PLCH2: variants seen among roughly 807,000 people sequenced by gnomAD.
PLCH2 encodes the protein phospholipase C eta 2.
In PLCH2, 98 loss-of-function variants were observed where a neutral mutation model predicts 134.7. That is an observed-to-expected ratio of 0.73 (90% CI 0.62 to 0.86). The LOEUF (loss-of-function observed/expected upper bound fraction) is 0.86, where lower values mean the gene tolerates loss of function less well. Among genes scored for constraint, PLCH2 ranks in the 40% least tolerant of loss-of-function variants. PLCH2 has a pLI of 0.00. For missense variants in PLCH2, 1,994 were observed against 1,986.6 expected (o/e 1.00, Z -0.07); for synonymous variants, 974 against 827.5 (o/e 1.18, Z -3.04).
chr1:2,435,023 C>A (rs1296824222), intron 2 of PLCH2, among the ~76,000 whole-genome samples: 3 of 152,230 alleles, frequency 2.0e-5, no homozygotes, highest in African/African-American at 4.8e-5. Context: ...CCTCAGCATG[C>A]AGCAGGCCGG....
chr1:2,474,133 C>T (rs2100631353), upstream of PLCH2, among the ~76,000 whole-genome samples: 1 of 152,136 alleles, frequency 6.6e-6, no homozygotes, highest in Admixed American at 6.5e-5. Flanking sequence ...CTGGGCTCGC[C>T]TGCCGGCATG....
At chr1:2,492,298 T>TGTGCAGGTGGCTC (rs1480986757) in intron 11 of PLCH2, 1 of 152,226 alleles carries the variant, frequency 6.6e-6, no homozygotes, top group African/African-American at 2.4e-5. Context: ...GAACATGCCC[T>TGTGCAGGTGGCTC]GTGCAGGTGG....
chr1:2,469,641 G>A (rs952421453), intron 1 of PLCH2, among the ~76,000 whole-genome samples: 1 of 152,124 alleles, frequency 6.6e-6, no homozygotes, highest in Admixed American at 6.5e-5. Flanking sequence ...TTCATTGAGG[G>A]TGGGCAGGGG....
chr1:2,487,022 G>T lies in PLCH2; in HGVS notation c.910+22G>T, dbSNP rs1466394824. 5 of 1,569,196 alleles carry T rather than the reference G, an allele frequency of 3.2e-6. No homozygotes were observed. The African/African-American group carries it at 4.1e-5, about 13-fold the overall frequency. ...GATGGTGAGTGGGGCGCTGCCCTCAGCCCAGCTGTCCTGGGATGCTGGAGG... is the reference window on the plus strand; with the variant it reads ...GATGGTGAGTGGGGCGCTGCCCTCATCCCAGCTGTCCTGGGATGCTGGAGG... On this transcript the variant is annotated intron_variant, in intron 6 of 21. Transcript: ENST00000378486.
intron 2 of PLCH2, among the ~76,000 whole-genome samples, chr1:2,456,202 C>G (rs1640483062): frequency 6.6e-6 from 1 of 152,194 alleles, no homozygotes; most frequent in Non-Finnish European, 1.5e-5. Flanking sequence ...AAGCCGCCAG[C>G]ACCAGATCAC....
intron 2 of PLCH2, among the ~76,000 whole-genome samples, chr1:2,455,930 G>T (rs1640470665): frequency 6.6e-6 from 1 of 152,276 alleles, no homozygotes; most frequent in African/African-American, 2.4e-5. Context: ...GTGTGCTCGT[G>T]TGTTTAAGTG....
At position 2,502,401 on chromosome 1, in the gene PLCH2, GC is replaced by G; in HGVS notation, c.2956del (p.Arg986GlufsTer60). The G allele has an allele frequency of 6.5e-7, 1 of 1,543,688 alleles. No individual in the cohort carries two copies. ...GCCCAGGAGGGGCCCGGCAGCGGCA[GC>G]CCCCGAGGTAAGGCGCCAGCTGCGG... ...APAQEGPGSG[S>X]PRDTRPLSTQ... On this transcript the variant is annotated frameshift_variant, in exon 21 of 22. Transcript: ENST00000378486. LOFTEE classifies it high-confidence loss of function.
chr1:2,427,903 C>T (rs551888006), intron 1 of PLCH2, among the ~76,000 whole-genome samples: 13 of 152,148 alleles, frequency 8.5e-5, no homozygotes, highest in African/African-American at 2.2e-4. Context: ...GAGCAGTGGG[C>T]GGGCAGGCTG....
chr1:2,470,513 C>T (rs1330797537), intron 1 of PLCH2, among the ~76,000 whole-genome samples: 3 of 152,218 alleles, frequency 2.0e-5, no homozygotes, highest in African/African-American at 4.8e-5. Flanking sequence ...TGGGGCTGCT[C>T]CCCGGCCTGG....
the PLCH2 span, among the ~76,000 whole-genome samples, chr1:2,418,967 C>T: frequency 2.6e-5 from 4 of 152,228 alleles, no homozygotes; most frequent in African/African-American, 9.6e-5. Context: ...TCCTACCACT[C>T]CCCTACCCGA....
At chr1:2,425,031 C>T (rs1281924357), upstream of PLCH2, among the ~76,000 whole-genome samples, 10 of 151,976 alleles carry the variant, frequency 6.6e-5, no homozygotes, top group South Asian at 2.1e-4. Context: ...TGCGTGGTGG[C>T]GGCCACCTGT....
upstream of PLCH2, among the ~76,000 whole-genome samples, chr1:2,425,149 T>C (rs549183362): frequency 8.6e-4 from 115 of 134,304 alleles, no homozygotes; most frequent in African/African-American, 3.0e-3. Context: ...GGCGATAGAG[T>C]GTGACACTCC....
At chr1:2,419,790 C>T in the PLCH2 span, among the ~76,000 whole-genome samples, 1 of 152,216 alleles carries the variant, frequency 6.6e-6, no homozygotes, top group East Asian at 1.9e-4. Flanking sequence ...CCTGTGGGCT[C>T]CACCATATTC....
At chr1:2,482,463 G>A (rs568532660) in intron 4 of PLCH2, among the ~76,000 whole-genome samples, 11 of 152,200 alleles carry the variant, frequency 7.2e-5, no homozygotes, top group Non-Finnish European at 1.3e-4. Context: ...CTCGCACCAG[G>A]CACCCCAGGG....
In PLCH2 at chr1:2,504,930, C is replaced by T. The variant is rs758895302; in HGVS notation, c.3968C>T (p.Pro1323Leu). 1.8e-5 allele frequency: 28 copies of T among 1,569,862 alleles called. No individual in the cohort carries two copies. In the Middle Eastern group the frequency reaches 5.1e-4, roughly 28 times the overall value. Residue 1323 changes from proline to leucine, a missense_variant, in exon 22 of 22, where the codon CCG becomes CTG. Transcript: ENST00000378486. ...ATCACGTCACCCACCAGCCTGGGCC[C>T]GGCTGGGGAGGGGGTGGCAGGGGGC... ...GDITSPTSLG[P>L]AGEGVAGGPG...
At chr1:2,501,750 C>G (rs908739901) in intron 20 of PLCH2, 1 of 241,332 alleles carries the variant, frequency 4.1e-6, no homozygotes, top group Non-Finnish European at 7.9e-6. Context: ...CAGGTGCAGG[C>G]TGTGGTGGGC....
upstream of PLCH2, among the ~76,000 whole-genome samples, chr1:2,473,683 G>A (rs1409095288): frequency 2.0e-5 from 3 of 152,246 alleles, no homozygotes; most frequent in South Asian, 2.1e-4. Context: ...GGACAGAGCA[G>A]GGAGGAGGAC....
the PLCH2 span, among the ~76,000 whole-genome samples, chr1:2,417,200 C>G: frequency 6.6e-6 from 1 of 152,146 alleles, no homozygotes; most frequent in South Asian, 2.1e-4. Flanking sequence ...AATGAGGGGT[C>G]CTGGTGTGCA....
chr1:2,422,041 G>A (rs1017168081), upstream of PLCH2, among the ~76,000 whole-genome samples: 5 of 148,980 alleles, frequency 3.4e-5, no homozygotes, highest in Non-Finnish European at 6.0e-5. Flanking sequence ...GAGGCTGAAG[G>A]AGGAGGATCA....
Sources: gnomAD v4.1 joint callset for allele counts (sites outside exome capture counted in the v4.1 genomes callset) on GRCh38, gnomAD v4.1.1 for gene constraint, MANE v1.5 for transcripts, NCBI Gene and HGNC (gene_info 2026-07-23, HGNC 2026-07-21) for gene names.